EPHA6: variants seen among roughly 807,000 people sequenced by gnomAD.
EPHA6 encodes ephrin type-A receptor 6.
EPHA6 carries 50 observed loss-of-function variants against 112.0 expected under a neutral mutation model. That is an observed-to-expected ratio of 0.45 (90% CI 0.36 to 0.56). The LOEUF is 0.56. Ranked by LOEUF, EPHA6 falls within the 20% of genes least tolerant of loss-of-function variation. The pLI is 0.00. For missense variants in EPHA6, 1,280 were observed against 1,417.4 expected (o/e 0.90, Z 1.56); for synonymous variants, 529 against 490.7 (o/e 1.08, Z -1.03).
At chr3:97,147,685 A>G (rs2076076510) in intron 3 of EPHA6, among the ~76,000 whole-genome samples, 1 of 152,164 alleles carries the variant, frequency 6.6e-6, no homozygotes, top group Non-Finnish European at 1.5e-5. Context: ...AATTGGTAGT[A>G]TTAAAAAGCA....
chr3:97,300,499 A>G (rs983470054), intron 5 of EPHA6, among the ~76,000 whole-genome samples: 1 of 152,182 alleles, frequency 6.6e-6, no homozygotes, highest in African/African-American at 2.4e-5. Context: ...AAAGCATGAC[A>G]CATTTTCACA....
At chr3:97,614,377 C>G (rs747796230) in intron 13 of EPHA6, among the ~76,000 whole-genome samples, 1 of 148,254 alleles carries the variant, frequency 6.7e-6, no homozygotes, top group Non-Finnish European at 1.5e-5. Context: ...GCTCTGTCAC[C>G]AGGCTGGAGT....
chr3:97,553,041 C>A lies in EPHA6; in HGVS notation c.2386+20498C>A, dbSNP rs534576744. On this transcript the variant is annotated intron_variant, in intron 11 of 17. Transcript: ENST00000389672. ...ATGCAACTACCTCATAATTGCTCAT[C>A]CTGCCTTCAGTCTTGCCCCTACCAC... Among the ~76,000 whole-genome samples the A allele has an allele frequency of 4.6e-5, 7 of 152,230 alleles. No individual in the cohort carries two copies. In the South Asian group the frequency reaches 1.4e-3, roughly 32 times the overall value.
chr3:96,920,801 G>T (rs1324734448), intron 2 of EPHA6, among the ~76,000 whole-genome samples: 1 of 151,844 alleles, frequency 6.6e-6, no homozygotes, highest in African/African-American at 2.4e-5. Context: ...AAAATTTCTT[G>T]TTCTCTGCAA....
At chr3:97,576,337 T>C (rs2093384468) in intron 11 of EPHA6, among the ~76,000 whole-genome samples, 1 of 152,110 alleles carries the variant, frequency 6.6e-6, no homozygotes, top group Non-Finnish European at 1.5e-5. Context: ...TTGTCATGGG[T>C]ATATTACCAT....
chr3:96,977,621 A>G (rs142492302), intron 2 of EPHA6, among the ~76,000 whole-genome samples: 1 of 152,244 alleles, frequency 6.6e-6, no homozygotes, highest in Admixed American at 6.5e-5. Context: ...GACCCTATTT[A>G]ATTTAATACT....
At chr3:97,600,039 G>T (rs1461754532) in intron 12 of EPHA6, among the ~76,000 whole-genome samples, 2 of 150,920 alleles carry the variant, frequency 1.3e-5, no homozygotes, top group Admixed American at 1.3e-4. Flanking sequence ...TTGTGAATGG[G>T]AGTTCACTCA....
At chr3:97,483,466 G>A (rs1231973043) in intron 9 of EPHA6, among the ~76,000 whole-genome samples, 1 of 152,104 alleles carries the variant, frequency 6.6e-6, no homozygotes, top group African/African-American at 2.4e-5. Context: ...TACTGCTTGA[G>A]GTTTTCTGGA....
At chr3:97,667,588 T>C (rs528314453) in intron 14 of EPHA6, among the ~76,000 whole-genome samples, 1 of 152,336 alleles carries the variant, frequency 6.6e-6, no homozygotes, top group Non-Finnish European at 1.5e-5. Context: ...TACAATTTAA[T>C]TTAAACTGTA....
chr3:97,449,232 A>C (rs984464189), intron 7 of EPHA6, among the ~76,000 whole-genome samples: 1 of 152,124 alleles, frequency 6.6e-6, no homozygotes, highest in Non-Finnish European at 1.5e-5. Context: ...TGAAAACCAA[A>C]ATGGGAGATG....
intron 10 of EPHA6, 100 bp downstream of exon 10, chr3:97,484,159 A>G: frequency 8.5e-7 from 1 of 1,176,454 alleles, no homozygotes; most frequent in Non-Finnish European, 1.1e-6. Context: ...TTGGTCATTG[A>G]AAAGTTTTAA....
chr3:97,135,894 A>G (rs2075757035), intron 3 of EPHA6, among the ~76,000 whole-genome samples: 2 of 152,032 alleles, frequency 1.3e-5, no homozygotes, highest in South Asian at 4.1e-4. Flanking sequence ...GCAAGTTAAA[A>G]CCACAGCAGC....
intron 16 of EPHA6, among the ~76,000 whole-genome samples, chr3:97,736,999 C>T (rs9860765): frequency 0.48 from 73,046 of 151,716 alleles, 18,198 homozygotes; most frequent in East Asian, 0.72. Context: ...ACAGTAAGGC[C>T]GAGGCTCTTC....
chr3:97,334,910 C>T (rs891840433), intron 5 of EPHA6, among the ~76,000 whole-genome samples: 2 of 152,092 alleles, frequency 1.3e-5, no homozygotes, highest in African/African-American at 4.8e-5. Context: ...AGAATGTACT[C>T]TATATGATTT....
chr3:96,868,159 C>CGT (rs753000378), intron 2 of EPHA6, among the ~76,000 whole-genome samples: 1,556 of 142,258 alleles, frequency 0.011, 28 homozygotes, highest in African/African-American at 0.035. Context: ...TGTGTGTGTG[C>CGT]GTGTGTGTGT....
chr3:97,631,563 A>G (rs1362496646), intron 13 of EPHA6, among the ~76,000 whole-genome samples: 8 of 152,028 alleles, frequency 5.3e-5, no homozygotes, highest in Non-Finnish European at 1.2e-4. Flanking sequence ...TTTGATATAC[A>G]TATGGACCAA....
intron 3 of EPHA6, among the ~76,000 whole-genome samples, chr3:97,060,923 CAAAAAAAAAAAA>C (rs71623565): frequency 0.044 from 926 of 21,256 alleles, 23 homozygotes; most frequent in African/African-American, 0.094. Context: ...GACTCCGTCT[CAAAAAAAAAAAA>C]AAAAAAAAAA....
At position 97,753,276 on chromosome 3, in the gene EPHA6, G is replaced by A. The variant is rs1221218567; in HGVS notation, c.*4575G>A. 6.6e-6 allele frequency among the ~76,000 whole-genome samples: 1 copy of A among 152,068 alleles called. No homozygotes were observed. Among genetic ancestry groups the A allele is most frequent in the African/African-American group, 2.4e-5 (1 of 41,414 alleles). On this transcript the variant is annotated 3_prime_UTR_variant, in exon 18 of 18. Transcript: ENST00000389672. ...GTAACTCTCATTATTAAAATTTAGA[G>A]CTTTATTTGCTATGTTTGCTATGGT... is the stretch of plus-strand genomic sequence containing the variant.
rs573003321 is a variant in EPHA6, at chr3:96,907,802, A to G, written c.450+40913A>G. Among the ~76,000 whole-genome samples the G allele has an allele frequency of 7.9e-5, 12 of 152,074 alleles. No individual in the cohort carries two copies. In the East Asian group the frequency reaches 1.2e-3, roughly 15 times the overall value. ...GTTATACAACCTTGGGAAATTGTCAAAAGTTCATAGTACCCTTCAAATACA... is the reference window on the plus strand; with the variant it reads ...GTTATACAACCTTGGGAAATTGTCAGAAGTTCATAGTACCCTTCAAATACA... On this transcript the variant is annotated intron_variant, in intron 2 of 17. Transcript: ENST00000389672.
Sources: allele counts gnomAD v4.1 joint callset (sites outside exome capture counted in the v4.1 genomes callset), GRCh38; gene constraint gnomAD v4.1.1; transcripts MANE v1.5; gene names NCBI Gene and HGNC (gene_info 2026-07-23, HGNC 2026-07-21).